The following SGCE variants were observed in gnomAD, a reference collection of about 807,000 sequenced individuals.
The protein encoded by SGCE is sarcoglycan epsilon, also known as epsilon-sarcoglycan.
In SGCE, 26 loss-of-function variants were observed where a neutral mutation model predicts 57.8. The observed-to-expected ratio is 0.45, with a 90% CI of 0.33 to 0.62. The LOEUF (loss-of-function observed/expected upper bound fraction) is 0.62, where lower values mean the gene tolerates loss of function less well. SGCE is among the 20% of genes least tolerant of loss of function. SGCE has a pLI of 0.02. For synonymous variants in SGCE, 183 were observed against 189.5 expected, an observed-to-expected ratio of 0.97 and a Z score of 0.28; for missense variants, 468 against 548.6, an observed-to-expected ratio of 0.85 and a Z score of 1.47.
intron 7 of SGCE, 58 bp from the exon 8 acceptor site, chr7:94,599,781 G>T: frequency 5.2e-6 from 6 of 1,163,676 alleles, no homozygotes; most frequent in Middle Eastern, 1.9e-4. Flanking sequence ...GGAACATTAA[G>T]ACTATATGCT....
intron 10 of SGCE, chr7:94,588,376 G>A: frequency 8.7e-7 from 1 of 1,149,312 alleles, no homozygotes; most frequent in Non-Finnish European, 1.1e-6. Context: ...TCCAAGCTAA[G>A]AATCTTTCAT....
chr7:94,639,740 T>G (rs2117038606), intron 1 of SGCE, among the ~76,000 whole-genome samples: 1 of 152,284 alleles, frequency 6.6e-6, no homozygotes, highest in Admixed American at 6.5e-5. Context: ...ACATATATAA[T>G]AAATCATACT....
At chr7:94,605,989 C>A (rs6980229) in intron 5 of SGCE, among the ~76,000 whole-genome samples, 5 of 151,938 alleles carry the variant, frequency 3.3e-5, no homozygotes, top group Non-Finnish European at 5.9e-5. Context: ...CCACCACACC[C>A]AGCTAATTTT....
At position 94,655,880 on chromosome 7, in the gene SGCE, G is replaced by C. The variant is rs139789940; in HGVS notation, c.109+110C>G. 1.7e-3 allele frequency: 1,192 copies of C among 707,322 alleles called. 11 individuals carry two copies. Among genetic ancestry groups the C allele is most frequent in the African/African-American group, 0.015 (856 of 57,250 alleles). 43.8% of individuals were successfully genotyped at this position (707,322 alleles called of 1,614,324 possible). ...GGTACGGTGGGGTCCGGGACAGAAAGAGAGGCTGGTGCCCAAAGGGCGCGC... is the reference window on the plus strand; with the variant it reads ...GGTACGGTGGGGTCCGGGACAGAAACAGAGGCTGGTGCCCAAAGGGCGCGC... On this transcript the variant is annotated intron_variant, in intron 1 of 10. Transcript: ENST00000648936.
chr7:94,627,122 G>T (rs1774641588), intron 3 of SGCE: 2 of 151,910 alleles, frequency 1.3e-5, no homozygotes, highest in African/African-American at 2.4e-5. Context: ...ATGATTTATA[G>T]ATAGAAATCA....
At chr7:94,608,110 G>A (rs1320197288) in intron 5 of SGCE, among the ~76,000 whole-genome samples, 1 of 152,176 alleles carries the variant, frequency 6.6e-6, no homozygotes, top group East Asian at 1.9e-4. Flanking sequence ...TTTGCAGGCC[G>A]AGGCAGGTGG....
At chr7:94,586,061 G>GAAAAAAAAAAAAAAAAAAAAAAAAAAAAA (rs780812386) in intron 10 of SGCE, among the ~76,000 whole-genome samples, 10 of 28,908 alleles carry the variant, frequency 3.5e-4, no homozygotes, top group East Asian at 1.3e-3. Flanking sequence ...GGAACTAAAT[G>GAAAAAAAAAAAAAAAAAAAAAAAAAAAAA]AAAAAAAAAA....
At chr7:94,588,292 G>C (rs1797184406) in intron 10 of SGCE, 1 of 1,067,392 alleles carries the variant, frequency 9.4e-7, no homozygotes, top group African/African-American at 1.7e-5. Context: ...TCAGTGATTA[G>C]TCACAATGGT....
Position 94,600,727 on chromosome 7 carries a change from A to G in SGCE, c.956T>C (p.Ile319Thr), listed in dbSNP as rs1799078606. ...CACTGCCGAGGGCACAGCCAGTGTA[A>G]TTAGGAAATCCGTGTAATAGTCTCT... ...KSRDYYTDFL[I>T]TLAVPSAVAL... Residue 319 changes from isoleucine (I) to threonine (T), a missense_variant, in exon 7 of 11, where the codon ATT becomes ACT. Ile to Thr is a moderately conservative substitution (Grantham distance 89). Transcript: ENST00000648936. 2 of 1,613,878 alleles carry G rather than the reference A, an allele frequency of 1.2e-6. No individual in the cohort carries two copies. Among genetic ancestry groups the G allele is most frequent in the Non-Finnish European group, 1.7e-6 (2 of 1,179,870 alleles).
Position 94,599,606 on chromosome 7 carries a change from A to G in SGCE, c.1064+91T>C, listed in dbSNP as rs917451911. ...ATAAACTATGAAAGATGACAAATGA[A>G]AAAAAGCTTGACACACATGTATGGA... On this transcript the variant is annotated intron_variant, in intron 8 of 10. Coordinates refer to ENST00000648936, the MANE Select transcript of SGCE (RefSeq NM_003919.3). 3 of 997,288 alleles carry G rather than the reference A, an allele frequency of 3.0e-6. No homozygotes were observed. In the African/African-American group the frequency reaches 4.8e-5, roughly 16 times the overall value. 61.8% of individuals were successfully genotyped at this position (997,288 alleles called of 1,614,324 possible).
chr7:94,634,857 G>A (rs1462701427), intron 1 of SGCE, among the ~76,000 whole-genome samples: 5 of 152,142 alleles, frequency 3.3e-5, no homozygotes, highest in African/African-American at 4.8e-5. Context: ...ATAAATAGGT[G>A]TACAATTGAA....
intron 10 of SGCE, chr7:94,587,989 T>G: frequency 7.1e-7 from 1 of 1,410,214 alleles, no homozygotes; most frequent in African/African-American, 1.5e-5. Flanking sequence ...CTCTTGCTTT[T>G]CCAAAAGAGC....
intron 1 of SGCE, among the ~76,000 whole-genome samples, chr7:94,630,421 G>C (rs1804515024): frequency 6.6e-6 from 1 of 151,638 alleles, no homozygotes; most frequent in African/African-American, 2.4e-5. Flanking sequence ...ATCTCTTGTA[G>C]AAATGATTTA....
At chr7:94,643,780 C>T (rs1173174156) in intron 1 of SGCE, among the ~76,000 whole-genome samples, 1 of 152,120 alleles carries the variant, frequency 6.6e-6, no homozygotes, top group Non-Finnish European at 1.5e-5. Flanking sequence ...GTACAGAATA[C>T]TCATTGAAAA....
chr7:94,629,850 A>G lies in SGCE; in HGVS notation c.110-9T>C, dbSNP rs781152122. The G allele has an allele frequency of 1.2e-5, 19 of 1,610,152 alleles. No individual in the cohort carries two copies. In the Admixed American group the frequency reaches 3.0e-4, roughly 25 times the overall value. On this transcript the variant is annotated splice_polypyrimidine_tract_variant and intron_variant, in intron 1 of 10. Transcript: ENST00000648936. Reference sequence around the variant, plus strand: ...GGAGAAAATACTGTACACTGAAAACAAAGAGGAAAGATAAGTGACAGAAAG... The same window carrying G: ...GGAGAAAATACTGTACACTGAAAACGAAGAGGAAAGATAAGTGACAGAAAG...
At chr7:94,630,290 T>C (rs995002350) in intron 1 of SGCE, among the ~76,000 whole-genome samples, 2 of 151,890 alleles carry the variant, frequency 1.3e-5, no homozygotes, top group Non-Finnish European at 2.9e-5. Context: ...ATCCATACTA[T>C]ACTAATTGTT....
Position 94,600,697 on chromosome 7 carries a change from A to G in SGCE, c.986T>C (p.Leu329Pro). ...ITLAVPSAVA[L>P]VLFLILAYIM... is the part of the protein sequence containing the mutation. ...ATAAGCAAGTATTAGAAAAAGGACCAGTGCCACTGCCGAGGGCACAGCCAG... is the reference window on the plus strand; with the variant it reads ...ATAAGCAAGTATTAGAAAAAGGACCGGTGCCACTGCCGAGGGCACAGCCAG... The change falls in exon 7 of 11, where the codon CTG (leucine) becomes CCG (proline). Residue 329 changes from leucine (L) to proline (P), a missense_variant. Coordinates refer to ENST00000648936, the MANE Select transcript of SGCE (RefSeq NM_003919.3). 2 of 1,613,884 alleles carry G rather than the reference A, an allele frequency of 1.2e-6. No individual in the cohort carries two copies. Among genetic ancestry groups the G allele is most frequent in the African/African-American group, 1.3e-5 (1 of 75,044 alleles).
intron 1 of SGCE, among the ~76,000 whole-genome samples, chr7:94,635,144 G>C (rs1213821039): frequency 1.3e-5 from 2 of 152,138 alleles, no homozygotes; most frequent in Non-Finnish European, 2.9e-5. Context: ...CTCACATGAA[G>C]AGTTTGAAGA....
chr7:94,603,186 G>A, intron 6 of SGCE, 104 bp downstream of exon 6: 2 of 882,168 alleles, frequency 2.3e-6, no homozygotes, highest in Non-Finnish European at 3.6e-6. Context: ...TGCAGTTAAA[G>A]TAAACCTAGG....
Sources: gnomAD v4.1 joint callset for allele counts (sites outside exome capture counted in the v4.1 genomes callset) on GRCh38, gnomAD v4.1.1 for gene constraint, MANE v1.5 for transcripts, NCBI Gene and HGNC (gene_info 2026-07-23, HGNC 2026-07-21) for gene names.